Variants in FOXK1 observed in about 807,000 individuals in gnomAD.
The protein encoded by FOXK1 is forkhead box protein K1.
In FOXK1, 19 loss-of-function variants were observed where a neutral mutation model predicts 51.9. The observed-to-expected ratio is 0.37, with a 90% confidence interval of 0.26 to 0.54. FOXK1 has a LOEUF of 0.54. FOXK1 is among the 20% of genes least tolerant of loss of function. The pLI, the probability that FOXK1 is intolerant of heterozygous loss-of-function variation, is 0.87. For synonymous variants in FOXK1, 537 were observed against 482.6 expected (o/e 1.11, Z -1.48); for missense variants, 870 against 1,032.7 (o/e 0.84, Z 2.16).
chr7:4,690,550 G>T (rs1000917702), intron 1 of FOXK1, among the ~76,000 whole-genome samples: 1 of 152,206 alleles, frequency 6.6e-6, no homozygotes, highest in Admixed American at 6.5e-5. Flanking sequence ...TGGGCTTGCC[G>T]CCCATTTAAG....
chr7:4,757,292 C>A, intron 5 of FOXK1, 105 bp downstream of exon 5: 1 of 1,049,544 alleles, frequency 9.5e-7, no homozygotes, highest in Non-Finnish European at 1.4e-6. Context: ...TGGGCTCAGG[C>A]TCAGTGTACG....
intron 1 of FOXK1, among the ~76,000 whole-genome samples, chr7:4,701,737 C>A (rs796925022): frequency 3.0e-4 from 45 of 152,214 alleles, no homozygotes; most frequent in African/African-American, 1.1e-3. Context: ...ACTAAAAATA[C>A]AAAAAATTAG....
In FOXK1 at chr7:4,745,655, G is replaced by T. The variant is rs118191124; in HGVS notation, c.746+4632G>T. Among the ~76,000 whole-genome samples the T allele has an allele frequency of 0.022, 3,300 of 152,318 alleles. 55 individuals carry two copies. The highest frequency in any genetic ancestry group is 0.037 in the Middle Eastern group (11 of 294). On this transcript the variant is annotated intron_variant, in intron 2 of 8. Transcript: ENST00000328914. This position sits in a 1 kb window ranked among gnomAD's most constrained non-coding sequence, Gnocchi z 4.3. ...CCGGTGGCTCAGGCCTGTAATCCCA[G>T]CACTTTGGGAGGCTGAGGCAGGCGG...
In FOXK1 at chr7:4,743,915, C is replaced by T. The variant is rs187646825; in HGVS notation, c.746+2892C>T. ...TTTTTGAGACGGAGTCTTGCTCTGT[C>T]GCCCAGGCTGGAGTGCAGTGGCGTG... is the stretch of plus-strand genomic sequence containing the variant. On this transcript the variant is annotated intron_variant, in intron 2 of 8. Transcript: ENST00000328914. This position sits in a 1 kb window ranked among gnomAD's most constrained non-coding sequence, Gnocchi z 5.3. Among the ~76,000 whole-genome samples, 790 of 149,826 alleles carry T rather than the reference C, an allele frequency of 5.3e-3. 3 individuals carry two copies. Among genetic ancestry groups the T allele is most frequent in the South Asian group, 0.013 (64 of 4,744 alleles).
At chr7:4,741,187 G>A (rs984119515) in intron 2 of FOXK1, among the ~76,000 whole-genome samples, 164 bp downstream of exon 2, 11 of 152,198 alleles carry the variant, frequency 7.2e-5, no homozygotes, top group South Asian at 2.1e-4. Flanking sequence ...TGAAATTTCC[G>A]TGAATTCTCT....
rs1220671257 is a variant in FOXK1 at position 4,715,108 on chromosome 7, G to A, written c.561-25730G>A. 6.6e-6 allele frequency among the ~76,000 whole-genome samples: 1 copy of A among 151,942 alleles called. No individual in the cohort carries two copies. Among genetic ancestry groups the A allele is most frequent in the African/African-American group, 2.4e-5 (1 of 41,268 alleles). On this transcript the variant is annotated intron_variant, in intron 1 of 8. Transcript: ENST00000328914. This position sits in a 1 kb window ranked among gnomAD's most constrained non-coding sequence, Gnocchi z 4.5. ...TTAGTACAGAAAATATTCAAAGCCA[G>A]TGCAGCTGGAATTGTGATATAGTGC...
chr7:4,693,189 G>A (rs891040682), intron 1 of FOXK1, among the ~76,000 whole-genome samples: 1 of 152,108 alleles, frequency 6.6e-6, no homozygotes, highest in Non-Finnish European at 1.5e-5. Context: ...ATCTTCTAAT[G>A]TTAATTATAA....
chr7:4,690,567 T>G (rs1779878666), intron 1 of FOXK1, among the ~76,000 whole-genome samples: 1 of 152,262 alleles, frequency 6.6e-6, no homozygotes, highest in Non-Finnish European at 1.5e-5. Context: ...TAAGAAAACT[T>G]ACATAGAATT....
Position 4,759,078 on chromosome 7 carries a change from C to T in FOXK1, c.1272C>T (p.Pro424=), listed in dbSNP as rs1282283105. 4 of 1,607,568 alleles carry T rather than the reference C, an allele frequency of 2.5e-6. No homozygotes were observed. Among genetic ancestry groups the T allele is most frequent in the Non-Finnish European group, 3.4e-6 (4 of 1,178,334 alleles). The part of the protein sequence containing the change: ...SRSAPASPTH[P]GLMSPRSGGL... ...GCGCTCCAGCTTCGCCCACACACCC[C>T]GGGCTGATGTCCCCTCGCTCCGGCG... The change falls in exon 6 of 9, where the codon CCC becomes CCT. Residue 424 remains proline (P), a synonymous_variant. Coordinates refer to ENST00000328914, the MANE Select transcript of FOXK1 (RefSeq NM_001037165.2).
chr7:4,758,935 AGAC>A lies in FOXK1; in HGVS notation c.1245-113_1245-111del. On this transcript the variant is annotated intron_variant, in intron 5 of 8. Coordinates refer to ENST00000328914, the MANE Select transcript of FOXK1 (RefSeq NM_001037165.2). The surrounding 1 kb of genome is among the most constrained non-coding windows in gnomAD (Gnocchi z 4.4). ...CTCACCGTCTGAATGCGGAGGACAG[AGAC>A]GAGCTCCAGGGAGCGTGGGCGGGTG... The A allele has an allele frequency of 8.9e-7, 1 of 1,128,902 alleles. No homozygotes were observed. Among genetic ancestry groups the A allele is most frequent in the Non-Finnish European group, 1.2e-6 (1 of 806,858 alleles). 69.9% of individuals were successfully genotyped at this position (1,128,902 alleles called of 1,614,324 possible).
At chr7:4,714,063 T>C (rs1465864790) in intron 1 of FOXK1, among the ~76,000 whole-genome samples, 2 of 152,126 alleles carry the variant, frequency 1.3e-5, no homozygotes, top group Non-Finnish European at 2.9e-5. Context: ...TGACCTCGGG[T>C]GATCCACCCA....
chr7:4,753,047 G>A lies in FOXK1; in HGVS notation c.747-1412G>A, dbSNP rs552623607. Among the ~76,000 whole-genome samples, 8 of 152,314 alleles carry A rather than the reference G, an allele frequency of 5.3e-5. No homozygotes were observed. The highest frequency in any genetic ancestry group is 2.1e-4 in the South Asian group (1 of 4,826). ...TGGGTGTTCATTTAAGTTTCGACACGTGTGGAACTTACCTATCTCTGCCAT... is the reference window on the plus strand; with the variant it reads ...TGGGTGTTCATTTAAGTTTCGACACATGTGGAACTTACCTATCTCTGCCAT... On this transcript the variant is annotated intron_variant, in intron 2 of 8. Transcript: ENST00000328914. The surrounding 1 kb of genome is among the most constrained non-coding windows in gnomAD (Gnocchi z 4.9).
chr7:4,692,892 ATTTCT>A (rs1779910640), intron 1 of FOXK1, among the ~76,000 whole-genome samples: 1 of 151,946 alleles, frequency 6.6e-6, no homozygotes, highest in Non-Finnish European at 1.5e-5. Flanking sequence ...AGACCAGCTA[ATTTCT>A]TTTATTTATT....
At chr7:4,759,766 C>T in intron 7 of FOXK1, 171 bp downstream of exon 7, 1 of 844,830 alleles carries the variant, frequency 1.2e-6, no homozygotes, top group South Asian at 1.8e-5. Flanking sequence ...GCAGGTGGCT[C>T]ATGCTTATAA....
intron 1 of FOXK1, among the ~76,000 whole-genome samples, chr7:4,686,937 CT>C (rs751835527): frequency 1.4e-3 from 165 of 117,072 alleles, no homozygotes; most frequent in Non-Finnish European, 1.5e-3. Context: ...TTTTTCTTTT[CT>C]TTTTTTTTTT....
chr7:4,720,635 C>G (rs930658369), intron 1 of FOXK1, among the ~76,000 whole-genome samples: 1 of 152,126 alleles, frequency 6.6e-6, no homozygotes, highest in Non-Finnish European at 1.5e-5. Flanking sequence ...CTCTCCCGAG[C>G]AGGCAGATGC....
chr7:4,715,922 T>C lies in FOXK1; in HGVS notation c.561-24916T>C, dbSNP rs1780227927. Among the ~76,000 whole-genome samples the C allele has an allele frequency of 6.6e-6, 1 of 152,222 alleles. No individual in the cohort carries two copies. The highest frequency in any genetic ancestry group is 2.4e-5 in the African/African-American group (1 of 41,444). On this transcript the variant is annotated intron_variant, in intron 1 of 8. Coordinates refer to ENST00000328914, the MANE Select transcript of FOXK1 (RefSeq NM_001037165.2). The surrounding 1 kb of genome is among the most constrained non-coding windows in gnomAD (Gnocchi z 4.5). ...ATTGGCCACCAATATCTGCTGTCTG[T>C]GCTTAAAGGATCAAAAATGCAGACC...
At position 4,770,823 on chromosome 7, in the gene FOXK1, A is replaced by T. The variant is rs977704370; in HGVS notation, c.*8359A>T. The stretch of plus-strand genomic sequence containing the variant: ...TCTTGTTGTTTTAATCTGAACGATT[A>T]TTCTCCTGTAAAAATAATTTGGGAG... On this transcript the variant is annotated 3_prime_UTR_variant, in exon 9 of 9. Transcript: ENST00000328914. 5 of 143,072 alleles carry T rather than the reference A, an allele frequency of 3.5e-5. No homozygotes were observed. The highest frequency in any genetic ancestry group is 7.5e-5 in the Non-Finnish European group (5 of 66,634). 8.9% of individuals were successfully genotyped at this position (143,072 alleles called of 1,614,324 possible).
intron 2 of FOXK1, among the ~76,000 whole-genome samples, chr7:4,751,043 C>G (rs1780768841): frequency 9.1e-6 from 1 of 109,440 alleles, no homozygotes; most frequent in Non-Finnish European, 1.8e-5. Context: ...GAGATGGAGT[C>G]TTGCTCTGTC....
Sources: gnomAD v4.1 joint callset for allele counts (sites outside exome capture counted in the v4.1 genomes callset) on GRCh38, gnomAD v4.1.1 for gene constraint, Gnocchi (gnomAD v3.1) non-coding constraint, MANE v1.5 for transcripts, NCBI Gene and HGNC (gene_info 2026-07-23, HGNC 2026-07-21) for gene names.